NUTM2B: variants seen among roughly 807,000 people sequenced by gnomAD.
The protein encoded by NUTM2B is NUT family member 2B.
Under a neutral mutation model 42.4 loss-of-function variants are expected in NUTM2B, and 2 were observed. The observed-to-expected ratio is 0.05, with a 90% CI of 0.02 to 0.15. The LOEUF (loss-of-function observed/expected upper bound fraction) is 0.15. NUTM2B is among the 10% of genes least tolerant of loss of function. The pLI is 1.00. For synonymous variants in NUTM2B, 18 were observed against 402.4 expected (o/e 0.04, Z 11.43); for missense variants, 58 against 952.6 (o/e 0.06, Z 12.36).
chr10:79,693,743 C>T, the NUTM2B span, among the ~76,000 whole-genome samples: 2 of 152,196 alleles, frequency 1.3e-5, no homozygotes, highest in Admixed American at 1.3e-4. Flanking sequence ...GCAGACAGAG[C>T]TCCATTCCGC....
chr10:79,699,321 C>A (rs1840272401), upstream of NUTM2B, among the ~76,000 whole-genome samples: 2 of 151,742 alleles, frequency 1.3e-5, no homozygotes, highest in African/African-American at 4.8e-5. Context: ...ATGGAAAATA[C>A]ATCTTCACAA....
chr10:79,694,438 T>C, the NUTM2B span, among the ~76,000 whole-genome samples: 1 of 150,736 alleles, frequency 6.6e-6, no homozygotes, highest in African/African-American at 2.4e-5. Context: ...AAAAGAAACA[T>C]GAAGCTGAAG....
the NUTM2B span, among the ~76,000 whole-genome samples, chr10:79,692,299 C>T: frequency 6.6e-6 from 1 of 152,244 alleles, no homozygotes; most frequent in South Asian, 2.1e-4. Flanking sequence ...GCTCCAAGCA[C>T]TTTACACATA....
At chr10:79,695,790 A>C in the NUTM2B span, among the ~76,000 whole-genome samples, 1 of 151,670 alleles carries the variant, frequency 6.6e-6, no homozygotes, top group Non-Finnish European at 1.5e-5. Flanking sequence ...ATATCTAGAA[A>C]AGTTCTGCTC....
intron 5 of NUTM2B, among the ~76,000 whole-genome samples, 152 bp downstream of exon 5, chr10:79,710,916 T>G (rs2913150): frequency 0.011 from 1,496 of 130,816 alleles, 301 homozygotes; most frequent in African/African-American, 0.041. Flanking sequence ...GTCTGTGTGT[T>G]GCTGTGTGTT....
In NUTM2B at chr10:79,705,121, A is replaced by G. The variant is rs381906; in HGVS notation, c.383-921A>G. Among the ~76,000 whole-genome samples, 170 of 126,288 alleles carry G rather than the reference A, an allele frequency of 1.3e-3. 20 individuals are homozygous for G. In the East Asian group the frequency reaches 0.016, roughly 12 times the overall value. 82.8% of individuals were successfully genotyped at this position (126,288 alleles called of 152,430 possible). ...TGGTTGGTCACTATGTTCAGTTATT[A>G]GGAGCTCAAAGGAGAAGGGCCAGGG... On this transcript the variant is annotated intron_variant, in intron 1 of 6. Coordinates refer to ENST00000429828, the Ensembl canonical transcript of NUTM2B.
chr10:79,692,489 C>T, the NUTM2B span, among the ~76,000 whole-genome samples: 1 of 152,324 alleles, frequency 6.6e-6, no homozygotes. Flanking sequence ...TTGACCTGAC[C>T]ATGGCTGCCC....
upstream of NUTM2B, among the ~76,000 whole-genome samples, chr10:79,699,020 C>T (rs540375522): frequency 2.0e-5 from 3 of 152,278 alleles, no homozygotes; most frequent in South Asian, 6.2e-4. Context: ...CTCATAACTG[C>T]ACACGTTCAT....
At chr10:79,693,136 G>A in the NUTM2B span, among the ~76,000 whole-genome samples, 1 of 152,116 alleles carries the variant, frequency 6.6e-6, no homozygotes, top group Non-Finnish European at 1.5e-5. Flanking sequence ...TGCCTGGCTG[G>A]CCCATTCTGC....
chr10:79,701,090 T>C (rs2132237624), upstream of NUTM2B, among the ~76,000 whole-genome samples: 1 of 152,290 alleles, frequency 6.6e-6, no homozygotes, highest in East Asian at 1.9e-4. Context: ...TTGCATGTCT[T>C]GCATTCCCTT....
At chr10:79,693,833 G>A in the NUTM2B span, among the ~76,000 whole-genome samples, 1 of 152,202 alleles carries the variant, frequency 6.6e-6, no homozygotes, top group South Asian at 2.1e-4. Context: ...GAACTACCAG[G>A]AATCCATTTG....
At chr10:79,702,582 G>C (rs1293278938), upstream of NUTM2B, among the ~76,000 whole-genome samples, 1 of 151,100 alleles carries the variant, frequency 6.6e-6, no homozygotes, top group Non-Finnish European at 1.5e-5. Flanking sequence ...CAAATGCTTC[G>C]TAAGTGCCGA....
the NUTM2B span, among the ~76,000 whole-genome samples, chr10:79,697,671 T>C: frequency 6.6e-6 from 1 of 152,256 alleles, no homozygotes; most frequent in African/African-American, 2.4e-5. Context: ...TTGTTATTTT[T>C]TTAAGAAAAT....
Sources: allele counts gnomAD v4.1 joint callset (sites outside exome capture counted in the v4.1 genomes callset), GRCh38; gene constraint gnomAD v4.1.1; transcripts MANE v1.5; gene names NCBI Gene and HGNC (gene_info 2026-07-23, HGNC 2026-07-21).